The following EXTL3 variants were observed in gnomAD, a reference collection of about 807,000 sequenced individuals.
EXTL3 encodes the protein exostosin-like 3.
In EXTL3, 27 loss-of-function variants were observed where a neutral mutation model predicts 69.3. That is an observed-to-expected ratio of 0.39 (90% CI 0.29 to 0.54). EXTL3 has a LOEUF of 0.54. EXTL3 is among the 20% of genes least tolerant of loss of function. The probability of loss-of-function intolerance (pLI) is 0.69; values close to 1 mark genes in which losing one functional copy is unlikely to be tolerated. For missense variants in EXTL3, 1,003 were observed against 1,231.8 expected, an observed-to-expected ratio of 0.81 and a Z score of 2.78; for synonymous variants, 511 against 499.4, an observed-to-expected ratio of 1.02 and a Z score of -0.31.
At chr8:28,663,813 C>A (rs555038018) in intron 1 of EXTL3, among the ~76,000 whole-genome samples, 1 of 152,254 alleles carries the variant, frequency 6.6e-6, no homozygotes, top group South Asian at 2.1e-4. Context: ...CGTTCTCAAA[C>A]CTCCCCTCAG....
At chr8:28,735,357 T>A (rs1387924631) in intron 4 of EXTL3, among the ~76,000 whole-genome samples, 1 of 152,210 alleles carries the variant, frequency 6.6e-6, no homozygotes, top group East Asian at 1.9e-4. Flanking sequence ...AGCCCAGCTT[T>A]AAGGAGTTTG....
intron 1 of EXTL3, among the ~76,000 whole-genome samples, chr8:28,713,138 A>G (rs986400666): frequency 2.6e-5 from 4 of 152,200 alleles, no homozygotes; most frequent in African/African-American, 9.7e-5. Context: ...TACTTTCAAC[A>G]AGTAAGGACT....
intron 1 of EXTL3, among the ~76,000 whole-genome samples, chr8:28,656,170 C>G (rs1807006903): frequency 7.5e-6 from 1 of 133,524 alleles, no homozygotes; most frequent in Non-Finnish European, 1.6e-5. Flanking sequence ...GAAGGTTGTT[C>G]AACCATTTTT....
intron 1 of EXTL3, among the ~76,000 whole-genome samples, chr8:28,687,092 A>G (rs1249559997): frequency 2.0e-5 from 3 of 152,196 alleles, no homozygotes; most frequent in South Asian, 4.1e-4. Context: ...AGATATAAGG[A>G]TAACAACTGA....
chr8:28,717,686 G>C lies in EXTL3; in HGVS notation c.1627G>C (p.Ala543Pro). Residue 543 changes from alanine (A) to proline (P), a missense_variant, in exon 3 of 7, where the codon GCT (alanine) becomes CCT (proline). Around this residue, in one of 2 missense-constraint regions of EXTL3, gnomAD observed 742 missense variants for 815.4 expected, o/e 0.91. Coordinates refer to ENST00000220562, the MANE Select transcript of EXTL3 (RefSeq NM_001440.4). The surrounding 1 kb of genome is among the most constrained non-coding windows in gnomAD (Gnocchi z 8.3). ...TAGGACTCGCATCCAGATCCCAGCC[G>C]CTCCCATCCGGGAAGAGGCGGCAGC... ...MIRTRIQIPA[A>P]PIREEAAAEI... 6.2e-7 allele frequency: 1 copy of C among 1,614,190 alleles called. No individual in the cohort carries two copies. The highest frequency in any genetic ancestry group is 8.5e-7 in the Non-Finnish European group (1 of 1,180,036).
intron 1 of EXTL3, among the ~76,000 whole-genome samples, chr8:28,653,191 C>A (rs1160748051): frequency 6.6e-6 from 1 of 152,118 alleles, no homozygotes; most frequent in Non-Finnish European, 1.5e-5. Flanking sequence ...TCCTGCTAAT[C>A]CCTCCCTTTG....
At chr8:28,609,131 G>A (rs1806239877) in intron 2 of EXTL3, among the ~76,000 whole-genome samples, 1 of 139,148 alleles carries the variant, frequency 7.2e-6, no homozygotes, top group South Asian at 2.3e-4. Flanking sequence ...TGACACATTT[G>A]AGGCAGAAAT....
At chr8:28,724,362 A>T (rs1378336555) in intron 3 of EXTL3, among the ~76,000 whole-genome samples, 1 of 152,208 alleles carries the variant, frequency 6.6e-6, no homozygotes, top group Non-Finnish European at 1.5e-5. Context: ...TCCCTGTGTA[A>T]AGTTATAAAT....
rs1414551523 is a variant in EXTL3 at position 28,750,181 on chromosome 8, A to G, written c.2551-476A>G. ...TAGACTGTAGTATGGCCACTTTCCC[A>G]TGGCTTTAAATGTAGTTAAGCATCT... On this transcript the variant is annotated intron_variant, in intron 6 of 6. Coordinates refer to ENST00000220562, the MANE Select transcript of EXTL3 (RefSeq NM_001440.4). This position sits in a 1 kb window ranked among gnomAD's most constrained non-coding sequence, Gnocchi z 5.2. Among the ~76,000 whole-genome samples, 2 of 152,176 alleles carry G rather than the reference A, an allele frequency of 1.3e-5. No homozygotes were observed. Among genetic ancestry groups the G allele is most frequent in the Admixed American group, 6.5e-5 (1 of 15,288 alleles).
chr8:28,641,786 C>G (rs1232489815), intron 1 of EXTL3, among the ~76,000 whole-genome samples: 1 of 151,986 alleles, frequency 6.6e-6, no homozygotes, highest in East Asian at 1.9e-4. Context: ...GCCATGGCGC[C>G]TGGCCATAAC....
chr8:28,709,647 C>G (rs1428919196), intron 1 of EXTL3, among the ~76,000 whole-genome samples: 1 of 152,116 alleles, frequency 6.6e-6, no homozygotes, highest in African/African-American at 2.4e-5. Flanking sequence ...AGACATATCC[C>G]AGATCCGCAA....
chr8:28,644,771 A>G (rs115948250), intron 1 of EXTL3, among the ~76,000 whole-genome samples: 2,001 of 152,016 alleles, frequency 0.013, 48 homozygotes, highest in African/African-American at 0.046. Flanking sequence ...AGAACTACCT[A>G]CTCTCCTACT....
chr8:28,629,412 G>A (rs59179989), intron 1 of EXTL3, among the ~76,000 whole-genome samples: 5,582 of 152,084 alleles, frequency 0.037, 342 homozygotes, highest in African/African-American at 0.13. Context: ...GAGTGAGTTA[G>A]TTCATTCATT....
chr8:28,608,505 A>T (rs1000870615), intron 2 of EXTL3, among the ~76,000 whole-genome samples: 18 of 152,156 alleles, frequency 1.2e-4, no homozygotes, highest in Admixed American at 9.2e-4. Context: ...AACAAGATAC[A>T]TTGATAAGAT....
chr8:28,716,264 G>T lies in EXTL3; in HGVS notation c.205G>T (p.Val69Leu), dbSNP rs778434439. 7 of 1,614,114 alleles carry T rather than the reference G, an allele frequency of 4.3e-6. No homozygotes were observed. Among genetic ancestry groups the T allele is most frequent in the Non-Finnish European group, 5.1e-6 (6 of 1,180,048 alleles). ...AGGCAAGCGGATTTTTGGTCCCCGGGTGGGGAACGAGCTGTGCGAGGTGAA... is the reference window on the plus strand; with the variant it reads ...AGGCAAGCGGATTTTTGGTCCCCGGTTGGGGAACGAGCTGTGCGAGGTGAA... Reference protein sequence around the residue: ...EAGKRIFGPRVGNELCEVKHV... With the variant: ...EAGKRIFGPRLGNELCEVKHV... The change falls in exon 3 of 7, where the codon GTG becomes TTG. Residue 69 changes from valine (V) to leucine (L), a missense_variant. By Grantham distance (32) the Val-to-Leu change is conservative. Around this residue, in one of 2 missense-constraint regions of EXTL3, gnomAD observed 742 missense variants for 815.4 expected, o/e 0.91. Coordinates refer to ENST00000220562, the MANE Select transcript of EXTL3 (RefSeq NM_001440.4). The surrounding 1 kb of genome is among the most constrained non-coding windows in gnomAD (Gnocchi z 7.1).
intron 4 of EXTL3, 88 bp from the exon 5 acceptor site, chr8:28,737,431 C>CTTTTACTT: frequency 7.0e-7 from 1 of 1,423,282 alleles, no homozygotes; most frequent in Non-Finnish European, 9.9e-7. Context: ...AGGGCCAGAG[C>CTTTTACTT]TTGTAAGGTG....
intron 1 of EXTL3, among the ~76,000 whole-genome samples, chr8:28,628,245 C>A (rs953453372): frequency 6.6e-6 from 1 of 152,174 alleles, no homozygotes; most frequent in Non-Finnish European, 1.5e-5. Flanking sequence ...GCCTCTAATT[C>A]CAGCTACTCG....
chr8:28,665,659 CAA>C (rs1227931171), intron 1 of EXTL3, among the ~76,000 whole-genome samples: 1 of 152,094 alleles, frequency 6.6e-6, no homozygotes, highest in Non-Finnish European at 1.5e-5. Context: ...CCGTCCATCT[CAA>C]CCTCCCAAAG....
intron 1 of EXTL3, among the ~76,000 whole-genome samples, chr8:28,629,616 G>C (rs914007633): frequency 2.0e-5 from 3 of 152,050 alleles, no homozygotes; most frequent in Admixed American, 1.3e-4. Context: ...AGAGTTGGAG[G>C]GGAGATGTTA....
Sources: allele counts gnomAD v4.1 joint callset (sites outside exome capture counted in the v4.1 genomes callset), GRCh38; gene constraint gnomAD v4.1.1; regional missense constraint gnomAD v4.1.1; non-coding constraint Gnocchi (gnomAD v3.1); transcripts MANE v1.5; gene names NCBI Gene and HGNC (gene_info 2026-07-23, HGNC 2026-07-21).